Variants in NPAS2 observed in about 807,000 individuals in gnomAD.
NPAS2 encodes neuronal PAS domain-containing protein 2.
Under a neutral mutation model 107.5 loss-of-function variants are expected in NPAS2, and 23 were observed. That is an observed-to-expected ratio of 0.21 (90% CI 0.15 to 0.30). The LOEUF (loss-of-function observed/expected upper bound fraction) is 0.30, where lower values mean the gene tolerates loss of function less well. Ranked by LOEUF, NPAS2 falls within the 10% of genes least tolerant of loss-of-function variation. The pLI, the probability that NPAS2 is intolerant of heterozygous loss-of-function variation, is 1.00. For synonymous variants in NPAS2, 403 were observed against 417.5 expected (o/e 0.97, Z 0.42); for missense variants, 756 against 1,043.3 (o/e 0.72, Z 3.79).
intron 1 of NPAS2, among the ~76,000 whole-genome samples, chr2:100,855,095 G>A (rs1247922152): frequency 6.6e-6 from 1 of 152,120 alleles, no homozygotes; most frequent in Non-Finnish European, 1.5e-5. Flanking sequence ...GTAAAAATGT[G>A]GCTTGTAGGC....
In NPAS2 at chr2:100,854,563, C is replaced by T. The variant is rs115929652; in HGVS notation, c.-23+34149C>T. Among the ~76,000 whole-genome samples, 514 of 152,308 alleles carry T rather than the reference C, an allele frequency of 3.4e-3. 4 individuals are homozygous for T. The highest frequency in any genetic ancestry group is 0.012 in the African/African-American group (482 of 41,568). On this transcript the variant is annotated intron_variant, in intron 1 of 20. Transcript: ENST00000335681. ...CATTTTCCCCCCAGCTTTTATACATCAGTCCTAGGGAAAGATTCTAATTGG... is the reference window on the plus strand; with the variant it reads ...CATTTTCCCCCCAGCTTTTATACATTAGTCCTAGGGAAAGATTCTAATTGG...
At chr2:100,898,391 A>T (rs1681556020) in intron 1 of NPAS2, among the ~76,000 whole-genome samples, 1 of 152,190 alleles carries the variant, frequency 6.6e-6, no homozygotes, top group Admixed American at 6.5e-5. Flanking sequence ...AGCTAATTCT[A>T]AAATTTATGT....
chr2:100,965,900 C>T lies in NPAS2; in HGVS notation c.907+134C>T. The T allele has an allele frequency of 1.6e-6, 1 of 607,328 alleles. No individual in the cohort carries two copies. The highest frequency in any genetic ancestry group is 2.9e-6 in the Non-Finnish European group (1 of 342,456). The allele number at this position is 607,328 out of a possible 1,614,324, so 37.6% of individuals were successfully genotyped here. ...TTTAAGGTGAGGAACTTGGTTTTCT[C>T]TGAGATGATCTGGGGGCATGGTGGA... On this transcript the variant is annotated intron_variant, in intron 10 of 20. Transcript: ENST00000335681. This position sits in a 1 kb window ranked among gnomAD's most constrained non-coding sequence, Gnocchi z 4.3.
chr2:100,979,503 T>TATATATATATATATATATATATATA (rs1491089539), intron 15 of NPAS2, among the ~76,000 whole-genome samples: 2 of 39,580 alleles, frequency 5.1e-5, no homozygotes, highest in South Asian at 1.2e-3. Flanking sequence ...TATATATATA[T>TATATATATATATATATATATATATA]TTTTTTTTTT....
chr2:100,982,146 T>G (rs1255594418), intron 15 of NPAS2, 85 bp from the exon 16 acceptor site: 3 of 1,493,300 alleles, frequency 2.0e-6, no homozygotes, highest in Non-Finnish European at 2.8e-6. Flanking sequence ...GGAAATGAAG[T>G]GTACAGACCG....
chr2:100,828,257 T>G (rs1225008312), intron 1 of NPAS2, among the ~76,000 whole-genome samples: 2 of 152,186 alleles, frequency 1.3e-5, no homozygotes, highest in African/African-American at 4.8e-5. Context: ...GGTTTTTGTT[T>G]TTTTTGCTTG....
Position 100,965,007 on chromosome 2 carries a change from C to G in NPAS2, c.800+64C>G, listed in dbSNP as rs1676130802. The G allele has an allele frequency of 7.2e-6, 8 of 1,112,952 alleles. No homozygotes were observed. Among genetic ancestry groups the G allele is most frequent in the Non-Finnish European group, 9.1e-6 (7 of 770,246 alleles). The allele number at this position is 1,112,952 out of a possible 1,614,324, so 68.9% of individuals were successfully genotyped here. ...TCAAGTCTTGTTTGCGTGAGCCAGG[C>G]TCTCCTTGGGAGAGAAGAGTCGGCC... On this transcript the variant is annotated intron_variant, in intron 9 of 20. Coordinates refer to ENST00000335681, the MANE Select transcript of NPAS2 (RefSeq NM_002518.4). The surrounding 1 kb of genome is among the most constrained non-coding windows in gnomAD (Gnocchi z 4.3).
At chr2:100,953,553 C>T (rs754793938) in intron 7 of NPAS2, among the ~76,000 whole-genome samples, 21 of 152,018 alleles carry the variant, frequency 1.4e-4, no homozygotes, top group African/African-American at 4.8e-4. Flanking sequence ...TCTAAGCACC[C>T]GGCCCAGAGT....
At chr2:100,873,275 CATATAT>C (rs376842348) in intron 1 of NPAS2, among the ~76,000 whole-genome samples, 1,367 of 77,098 alleles carry the variant, frequency 0.018, 33 homozygotes, top group East Asian at 0.072. Flanking sequence ...AAAAAAAATA[CATATAT>C]ATATATATAT....
chr2:100,857,905 G>T (rs1290379701), intron 1 of NPAS2, among the ~76,000 whole-genome samples: 2 of 152,224 alleles, frequency 1.3e-5, no homozygotes, highest in Non-Finnish European at 2.9e-5. Context: ...TGGCATTGAA[G>T]AAGAAGCACA....
chr2:100,982,264 A>G lies in NPAS2; in HGVS notation c.1516A>G (p.Lys506Glu). 1 of 1,614,240 alleles carries G rather than the reference A, an allele frequency of 6.2e-7. No individual in the cohort carries two copies. The change falls in exon 16 of 21, where the codon AAA (lysine) becomes GAA (glutamate). Residue 506 changes from lysine (K) to glutamate (E), a missense_variant. Lys to Glu is a moderately conservative substitution (Grantham distance 56). Transcript: ENST00000335681. Reference sequence around the variant, plus strand: ...ACAGTTCAGCATGTTCCAGACCATCAAAGACCAGCTAGAGCAGCGGACGCG... The same window carrying G: ...ACAGTTCAGCATGTTCCAGACCATCGAAGACCAGCTAGAGCAGCGGACGCG... ...SAQFSMFQTI[K>E]DQLEQRTRIL...
chr2:100,832,145 T>G (rs1440681724), intron 1 of NPAS2, among the ~76,000 whole-genome samples: 3 of 152,090 alleles, frequency 2.0e-5, no homozygotes, highest in African/African-American at 7.2e-5. Flanking sequence ...CTGCACCTCA[T>G]GTAGGGTAGG....
At chr2:100,879,853 G>A in intron 1 of NPAS2, among the ~76,000 whole-genome samples, 1 of 152,228 alleles carries the variant, frequency 6.6e-6, no homozygotes, top group Admixed American at 6.5e-5. Flanking sequence ...CTCCGAATCA[G>A]TGGTCAGGAG....
At chr2:100,852,932 C>A (rs1389670661) in intron 1 of NPAS2, among the ~76,000 whole-genome samples, 1 of 152,158 alleles carries the variant, frequency 6.6e-6, no homozygotes, top group Non-Finnish European at 1.5e-5. Flanking sequence ...ATATGAATTT[C>A]ACTCATTATC....
At chr2:100,859,559 A>G (rs1247909017) in intron 1 of NPAS2, among the ~76,000 whole-genome samples, 1 of 152,234 alleles carries the variant, frequency 6.6e-6, no homozygotes, top group Non-Finnish European at 1.5e-5. Context: ...ATTTGAACTT[A>G]GACCTGAATG....
Position 100,937,838 on chromosome 2 carries a change from T to C in NPAS2, c.359T>C (p.Leu120Ser), listed in dbSNP as rs774317309. 1.2e-6 allele frequency: 2 copies of C among 1,611,840 alleles called. No individual in the cohort carries two copies. The highest frequency in any genetic ancestry group is 1.7e-6 in the Non-Finnish European group (2 of 1,177,860). Residue 120 changes from leucine (L) to serine (S), a missense_variant, in exon 5 of 21, where the codon TTA (leucine) becomes TCA (serine). Physicochemically the swap from Leu to Ser is moderately radical, Grantham distance 145. Coordinates refer to ENST00000335681, the MANE Select transcript of NPAS2 (RefSeq NM_002518.4). ...SDSITPLLGH[L>S]PSDVMDQNLL... ...AGTATCACGCCTCTCCTTGGGCATT[T>C]ACCGGTGAGTTTCCACTCCAATGGC...
intron 3 of NPAS2, among the ~76,000 whole-genome samples, chr2:100,928,758 C>A (rs1202106304): frequency 6.6e-6 from 1 of 152,236 alleles, no homozygotes; most frequent in East Asian, 1.9e-4. Flanking sequence ...CCTTTACTTG[C>A]AGTCCAAATG....
intron 16 of NPAS2, chr2:100,986,800 A>G (rs1677805643): frequency 6.6e-6 from 1 of 152,264 alleles, no homozygotes; most frequent in South Asian, 2.1e-4. Flanking sequence ...TTGATTGTGA[A>G]TAATCAACAT....
At chr2:100,820,069 A>G (rs10168288), upstream of NPAS2, 3 of 143,010 alleles carry the variant, frequency 2.1e-5, no homozygotes, top group East Asian at 4.3e-4. The surrounding 1 kb of genome is among the most constrained non-coding windows in gnomAD (Gnocchi z 5.6). Flanking sequence ...GGGGAGGTGG[A>G]GAGGGAGGAG....
Sources: allele counts gnomAD v4.1 joint callset (sites outside exome capture counted in the v4.1 genomes callset), GRCh38; gene constraint gnomAD v4.1.1; non-coding constraint Gnocchi (gnomAD v3.1); transcripts MANE v1.5; gene names NCBI Gene and HGNC (gene_info 2026-07-23, HGNC 2026-07-21).